The following GPM6A variants were observed in gnomAD, a reference collection of about 807,000 sequenced individuals.
The protein encoded by GPM6A is glycoprotein M6A.
GPM6A carries 7 observed loss-of-function variants against 32.1 expected under a neutral mutation model. The observed-to-expected ratio is 0.22, with a 90% confidence interval of 0.12 to 0.41. The LOEUF (loss-of-function observed/expected upper bound fraction) is 0.41. GPM6A is among the 10% of genes least tolerant of loss of function. The probability of loss-of-function intolerance (pLI) is 1.00; values close to 1 mark genes in which losing one functional copy is unlikely to be tolerated. For missense variants in GPM6A, 235 were observed against 347.2 expected, an observed-to-expected ratio of 0.68 and a Z score of 2.57; for synonymous variants, 130 against 123.4, an observed-to-expected ratio of 1.05 and a Z score of -0.35.
chr4:175,735,138 A>G (rs1372171300), intron 1 of GPM6A, among the ~76,000 whole-genome samples: 2 of 152,206 alleles, frequency 1.3e-5, no homozygotes, highest in Non-Finnish European at 2.9e-5. Flanking sequence ...TTAGGCCTAA[A>G]TTAGATCTGT....
chr4:175,714,686 A>G (rs1745743337), intron 1 of GPM6A, among the ~76,000 whole-genome samples: 1 of 152,112 alleles, frequency 6.6e-6, no homozygotes, highest in Non-Finnish European at 1.5e-5. Context: ...TTTATTATGA[A>G]TTTTTCAGAA....
chr4:175,814,117 C>T (rs528434390), upstream of GPM6A, among the ~76,000 whole-genome samples: 2 of 152,306 alleles, frequency 1.3e-5, no homozygotes, highest in East Asian at 1.9e-4. Context: ...ATCCTTCATT[C>T]GTTTTATACC....
chr4:175,997,396 A>C (rs1561028366), intron 1 of GPM6A, among the ~76,000 whole-genome samples: 1 of 152,000 alleles, frequency 6.6e-6, no homozygotes, highest in Non-Finnish European at 1.5e-5. Flanking sequence ...ATTATCCAGT[A>C]CTCTAGCATC....
At chr4:175,908,580 T>G (rs1738204027) in intron 1 of GPM6A, among the ~76,000 whole-genome samples, 1 of 151,996 alleles carries the variant, frequency 6.6e-6, no homozygotes, top group African/African-American at 2.4e-5. Context: ...GGATAAACTT[T>G]GAGGAAGAAG....
intron 1 of GPM6A, among the ~76,000 whole-genome samples, chr4:175,763,075 T>C (rs1732814660): frequency 6.6e-6 from 1 of 152,364 alleles, no homozygotes; most frequent in African/African-American, 2.4e-5. Flanking sequence ...ATGTAAAATA[T>C]ATATCTATAA....
At chr4:175,718,134 T>A (rs1466421225) in intron 1 of GPM6A, among the ~76,000 whole-genome samples, 1 of 152,230 alleles carries the variant, frequency 6.6e-6, no homozygotes, top group Non-Finnish European at 1.5e-5. Flanking sequence ...TTTGTTTTTA[T>A]AAAATTAGTG....
intron 1 of GPM6A, among the ~76,000 whole-genome samples, chr4:175,872,469 C>T (rs1275648017): frequency 6.6e-6 from 1 of 152,130 alleles, no homozygotes; most frequent in African/African-American, 2.4e-5. Context: ...TGATGAGTTG[C>T]CATGCAAATT....
At chr4:175,710,518 T>G (rs913996729) in intron 1 of GPM6A, among the ~76,000 whole-genome samples, 1 of 152,204 alleles carries the variant, frequency 6.6e-6, no homozygotes, top group African/African-American at 2.4e-5. Context: ...CTGTATGTTA[T>G]CTGTTTGTAT....
intron 1 of GPM6A, among the ~76,000 whole-genome samples, chr4:175,758,346 C>T (rs1732610581): frequency 6.6e-6 from 1 of 152,114 alleles, no homozygotes; most frequent in South Asian, 2.1e-4. Context: ...GCTTTCTCAA[C>T]AGTAGCATTT....
At chr4:175,812,045 A>G in intron 1 of GPM6A, 146 bp downstream of exon 1, 1 of 595,462 alleles carries the variant, frequency 1.7e-6, no homozygotes. Flanking sequence ...ACATTACTGC[A>G]AGTGAGGAAC....
upstream of GPM6A, chr4:175,812,298 GGGGTTTTTTT>G (rs1734953073): frequency 4.3e-3 from 746 of 174,388 alleles, 153 homozygotes; most frequent in African/African-American, 0.029. Flanking sequence ...GGAAAAACTG[GGGGTTTTTTT>G]TTTTTTTTTT....
intron 1 of GPM6A, among the ~76,000 whole-genome samples, chr4:175,704,675 T>C (rs192088568): frequency 6.6e-6 from 1 of 152,330 alleles, no homozygotes; most frequent in African/African-American, 2.4e-5. Context: ...TTAAATCCTA[T>C]TCATCTGTGA....
At chr4:175,847,743 T>A (rs1477028637) in intron 1 of GPM6A, among the ~76,000 whole-genome samples, 1 of 152,164 alleles carries the variant, frequency 6.6e-6, no homozygotes, top group African/African-American at 2.4e-5. Context: ...TAAGGAGACA[T>A]CTTCTATCCA....
At chr4:175,924,791 G>C (rs1237232316) in intron 1 of GPM6A, among the ~76,000 whole-genome samples, 1 of 139,778 alleles carries the variant, frequency 7.2e-6, no homozygotes, top group Non-Finnish European at 1.5e-5. Context: ...AGTGAGTGGA[G>C]ATAACACTAC....
intron 1 of GPM6A, among the ~76,000 whole-genome samples, chr4:175,978,845 G>C (rs1237500795): frequency 6.6e-6 from 1 of 152,026 alleles, no homozygotes; most frequent in African/African-American, 2.4e-5. Context: ...ATTAGTGAGA[G>C]TTAAGAACCG....
At chr4:175,750,158 A>G (rs1322595753) in intron 1 of GPM6A, among the ~76,000 whole-genome samples, 2 of 152,038 alleles carry the variant, frequency 1.3e-5, no homozygotes, top group Non-Finnish European at 2.9e-5. Flanking sequence ...TCCCAGGTTC[A>G]ACCGATTCTC....
chr4:175,803,555 G>A (rs752166922), intron 1 of GPM6A, among the ~76,000 whole-genome samples: 5 of 152,030 alleles, frequency 3.3e-5, no homozygotes, highest in Non-Finnish European at 7.4e-5. Flanking sequence ...TGTAATAGGC[G>A]CTTTTACCTA....
chr4:175,970,075 T>C (rs1294902246), intron 1 of GPM6A, among the ~76,000 whole-genome samples: 1 of 152,238 alleles, frequency 6.6e-6, no homozygotes, highest in East Asian at 1.9e-4. Context: ...GTGTCCTTCC[T>C]TTCTCCTTTC....
chr4:175,846,058 C>G (rs9312587), intron 1 of GPM6A, among the ~76,000 whole-genome samples: 48,192 of 151,836 alleles, frequency 0.32, 7,671 homozygotes, highest in East Asian at 0.35. Context: ...ATAACACCCT[C>G]CACCCCCATA....
Sources: allele counts gnomAD v4.1 joint callset (sites outside exome capture counted in the v4.1 genomes callset), GRCh38; gene constraint gnomAD v4.1.1; transcripts MANE v1.5; gene names NCBI Gene and HGNC (gene_info 2026-07-23, HGNC 2026-07-21).